RSRC1: variants seen among roughly 807,000 people sequenced by gnomAD.
The protein encoded by RSRC1 is arginine and serine rich coiled-coil 1.
A neutral mutation model predicts 49.1 loss-of-function variants in RSRC1; 39 were observed. The observed-to-expected ratio is 0.79, with a 90% CI of 0.61 to 1.04. The LOEUF is 1.04. Ranked by LOEUF, RSRC1 falls within the 50% of genes least tolerant of loss-of-function variation. The probability of loss-of-function intolerance (pLI) is 0.00; values close to 1 mark genes in which losing one functional copy is unlikely to be tolerated. For synonymous variants in RSRC1, 143 were observed against 130.8 expected, an observed-to-expected ratio of 1.09 and a Z score of -0.63; for missense variants, 388 against 402.4, an observed-to-expected ratio of 0.96 and a Z score of 0.31.
chr3:158,275,125 C>T (rs770124695), intron 4 of RSRC1, among the ~76,000 whole-genome samples: 48 of 152,138 alleles, frequency 3.2e-4, no homozygotes, highest in Non-Finnish European at 5.1e-4. Flanking sequence ...GCTAGCTTAC[C>T]AACCTTAAGG....
intron 4 of RSRC1, among the ~76,000 whole-genome samples, chr3:158,290,271 G>A (rs1406068617): frequency 6.6e-6 from 1 of 151,656 alleles, no homozygotes; most frequent in South Asian, 2.1e-4. Context: ...AGCTTTTTTT[G>A]TTGTGTTTTG....
At chr3:158,536,588 G>C (rs1305181532) in intron 7 of RSRC1, among the ~76,000 whole-genome samples, 1 of 151,358 alleles carries the variant, frequency 6.6e-6, no homozygotes, top group African/African-American at 2.4e-5. Context: ...GTTACTGTTT[G>C]TCTTATTTAA....
In RSRC1 at chr3:158,327,212, G is replaced by T. The variant is rs529331659; in HGVS notation, c.532-27645G>T. Among the ~76,000 whole-genome samples, 9 of 152,222 alleles carry T rather than the reference G, an allele frequency of 5.9e-5. No individual in the cohort carries two copies. The South Asian group carries it at 1.9e-3, about 32-fold the overall frequency. On this transcript the variant is annotated intron_variant, in intron 5 of 9. Coordinates refer to ENST00000611884, the MANE Select transcript of RSRC1 (RefSeq NM_001271838.2). Reference sequence around the variant, plus strand: ...CCTGGATTCATTGATTTTTTGAAGGGTTTTTTGTGTCTCTATCTCCTTCAG... The same window carrying T: ...CCTGGATTCATTGATTTTTTGAAGGTTTTTTTGTGTCTCTATCTCCTTCAG...
chr3:158,465,099 G>A lies in RSRC1; in HGVS notation c.652+4096G>A, dbSNP rs1412621883. ...AGATCCATACTAGGTTGCCTCACTT[G>A]AGTTTCTGGGACACCGAATAGGTGA... On this transcript the variant is annotated intron_variant, in intron 7 of 9. Coordinates refer to ENST00000611884, the MANE Select transcript of RSRC1 (RefSeq NM_001271838.2). 2.6e-5 allele frequency among the ~76,000 whole-genome samples: 4 copies of A among 152,086 alleles called. No homozygotes were observed. In the East Asian group the frequency reaches 5.8e-4, roughly 22 times the overall value.
intron 7 of RSRC1, among the ~76,000 whole-genome samples, chr3:158,535,062 CA>C (rs573253930): frequency 1.1e-4 from 16 of 151,314 alleles, no homozygotes; most frequent in South Asian, 4.2e-4. Context: ...ATATTAATCA[CA>C]AAGTAAGACC....
chr3:158,291,433 A>C (rs1726927443), intron 4 of RSRC1, among the ~76,000 whole-genome samples: 1 of 152,068 alleles, frequency 6.6e-6, no homozygotes, highest in Non-Finnish European at 1.5e-5. Flanking sequence ...GGTTATATTT[A>C]TTTTGTTAAG....
intron 1 of RSRC1, among the ~76,000 whole-genome samples, chr3:158,118,550 T>C (rs1559906668): frequency 6.6e-6 from 1 of 152,204 alleles, no homozygotes. Context: ...TAGTCTTGTT[T>C]GCTGGATCAT....
At chr3:158,135,785 A>G (rs1716336438) in intron 3 of RSRC1, among the ~76,000 whole-genome samples, 2 of 152,100 alleles carry the variant, frequency 1.3e-5, no homozygotes, top group Non-Finnish European at 2.9e-5. Flanking sequence ...CATCTTTCCA[A>G]TGCTAGTCAT....
Position 158,517,070 on chromosome 3 carries a change from G to A in RSRC1, c.653-20022G>A, listed in dbSNP as rs553886966. 5.3e-5 allele frequency among the ~76,000 whole-genome samples: 8 copies of A among 152,298 alleles called. No homozygotes were observed. In the South Asian group the frequency reaches 6.2e-4, roughly 12 times the overall value. ...ATCACCCGTCTTCTGCGTCGCTCAC[G>A]CTGGGAGCCATAGACCAGAGCTGTT... On this transcript the variant is annotated intron_variant, in intron 7 of 9. Transcript: ENST00000611884.
chr3:158,427,714 A>C (rs1264687375), intron 6 of RSRC1, among the ~76,000 whole-genome samples: 1 of 151,666 alleles, frequency 6.6e-6, no homozygotes, highest in Non-Finnish European at 1.5e-5. Context: ...ATATCACATA[A>C]ATTTATTTTT....
At chr3:158,337,183 C>T (rs947377084) in intron 5 of RSRC1, among the ~76,000 whole-genome samples, 3 of 152,170 alleles carry the variant, frequency 2.0e-5, no homozygotes, top group South Asian at 2.1e-4. Flanking sequence ...CCGCTTCCCA[C>T]GCGGAGAGCG....
chr3:158,268,467 GC>G (rs1475174251), intron 4 of RSRC1, among the ~76,000 whole-genome samples: 1 of 151,968 alleles, frequency 6.6e-6, no homozygotes, highest in Non-Finnish European at 1.5e-5. Context: ...TGTTCTTTTA[GC>G]CCTGAACTCT....
chr3:158,406,735 T>G (rs1325200388), intron 6 of RSRC1, among the ~76,000 whole-genome samples: 1 of 152,116 alleles, frequency 6.6e-6, no homozygotes, highest in Non-Finnish European at 1.5e-5. Flanking sequence ...CTTTTGCTTG[T>G]CCATGAGCAC....
At chr3:158,227,514 T>C (rs1037508744) in intron 4 of RSRC1, among the ~76,000 whole-genome samples, 2 of 151,976 alleles carry the variant, frequency 1.3e-5, no homozygotes, top group South Asian at 2.1e-4. Context: ...GGAAATCTTA[T>C]TGAGGATCAC....
chr3:158,363,078 T>C (rs2108254521), intron 6 of RSRC1, among the ~76,000 whole-genome samples: 1 of 152,284 alleles, frequency 6.6e-6, no homozygotes, highest in Non-Finnish European at 1.5e-5. Flanking sequence ...CTTTGGATTG[T>C]ACCTTATAGT....
intron 7 of RSRC1, among the ~76,000 whole-genome samples, chr3:158,528,467 T>C (rs921280194): frequency 4.0e-5 from 6 of 151,884 alleles, no homozygotes; most frequent in African/African-American, 1.5e-4. Context: ...AAGAGCTGCG[T>C]ATCTCTGATA....
chr3:158,223,237 C>T (rs953381333), intron 4 of RSRC1, among the ~76,000 whole-genome samples: 7 of 151,630 alleles, frequency 4.6e-5, no homozygotes, highest in African/African-American at 1.7e-4. Context: ...GTGGCCACTC[C>T]TCTGATGTCT....
At chr3:158,272,494 A>G (rs1023589947) in intron 4 of RSRC1, among the ~76,000 whole-genome samples, 2 of 151,996 alleles carry the variant, frequency 1.3e-5, no homozygotes, top group Admixed American at 6.6e-5. Context: ...AAAGATTATT[A>G]TAGTCATTTT....
At position 158,545,586 on chromosome 3, in the gene RSRC1, A is replaced by G. The variant is rs1713298514; in HGVS notation, c.*1311A>G. 3 of 152,202 alleles carry G rather than the reference A, an allele frequency of 2.0e-5. No individual in the cohort carries two copies. The highest frequency in any genetic ancestry group is 2.0e-4 in the Admixed American group (3 of 15,274). 9.4% of individuals were successfully genotyped at this position (152,202 alleles called of 1,614,324 possible). On this transcript the variant is annotated 3_prime_UTR_variant, in exon 10 of 10. Transcript: ENST00000611884. ...CATTAAAATTCAAATCTCTGTTGAAAATGAAAAATGTAAAACTTAGTTGCA... is the reference window on the plus strand; with the variant it reads ...CATTAAAATTCAAATCTCTGTTGAAGATGAAAAATGTAAAACTTAGTTGCA...
Sources: gnomAD v4.1 joint callset for allele counts (sites outside exome capture counted in the v4.1 genomes callset) on GRCh38, gnomAD v4.1.1 for gene constraint, MANE v1.5 for transcripts, NCBI Gene and HGNC (gene_info 2026-07-23, HGNC 2026-07-21) for gene names.